The following ARHGAP22 variants were observed in gnomAD, a reference collection of about 807,000 sequenced individuals.
The protein encoded by ARHGAP22 is Rho GTPase activating protein 22, also known as rho GTPase-activating protein 22.
ARHGAP22 carries 48 observed loss-of-function variants against 59.1 expected under a neutral mutation model. That is an observed-to-expected ratio of 0.81 (90% CI 0.64 to 1.03). ARHGAP22 has a LOEUF of 1.03. Ranked by LOEUF, ARHGAP22 falls within the 50% of genes least tolerant of loss-of-function variation. The pLI is 0.00. For synonymous variants in ARHGAP22, 445 were observed against 416.4 expected (o/e 1.07, Z -0.84); for missense variants, 1,015 against 958.7 (o/e 1.06, Z -0.78).
At chr10:48,554,679 T>C (rs1488145582) in intron 3 of ARHGAP22, among the ~76,000 whole-genome samples, 1 of 142,940 alleles carries the variant, frequency 7.0e-6, no homozygotes, top group Non-Finnish European at 1.5e-5. Context: ...TGGGAGTGGG[T>C]GGGTAGAGCC....
chr10:48,590,265 C>T (rs1178914701), intron 1 of ARHGAP22, among the ~76,000 whole-genome samples: 9 of 151,810 alleles, frequency 5.9e-5, no homozygotes, highest in East Asian at 3.9e-4. Context: ...GGACCCGAGC[C>T]GGTTTAAGTG....
At chr10:48,493,251 C>T (rs1257852803) in intron 3 of ARHGAP22, among the ~76,000 whole-genome samples, 4 of 152,212 alleles carry the variant, frequency 2.6e-5, no homozygotes, top group Non-Finnish European at 5.9e-5. Flanking sequence ...TCCCTAGCGG[C>T]GGCCTCACCC....
At chr10:48,644,216 A>T (rs1328349729) in intron 1 of ARHGAP22, among the ~76,000 whole-genome samples, 1 of 152,248 alleles carries the variant, frequency 6.6e-6, no homozygotes, top group African/African-American at 2.4e-5. Flanking sequence ...GAAAAACAGT[A>T]ATGGTATTAG....
Position 48,450,964 on chromosome 10 carries a change from G to T in ARHGAP22, c.1165C>A (p.Pro389Thr). 6.4e-7 allele frequency: 1 copy of T among 1,571,812 alleles called. No homozygotes were observed. The highest frequency in any genetic ancestry group is 2.4e-5 in the East Asian group (1 of 42,162). ...TCCAGGGAAGAGGTCCTGTGCGCGG[G>T]CAGGCCGGGGCCGCCGGGCTCTCCT... ...SQGEPGGPGL[P>T]AHRTSSLDGA... The change falls in exon 9 of 10, where the codon CCC becomes ACC. Residue 389 changes from proline to threonine, a missense_variant. Physicochemically the swap from Pro to Thr is conservative, Grantham distance 38. Transcript: ENST00000249601.
chr10:48,438,957 A>G, the ARHGAP22 span: 1 of 152,202 alleles, frequency 6.6e-6, no homozygotes, highest in African/African-American at 2.4e-5. Flanking sequence ...AATATTTGGT[A>G]TATTTTTGAG....
upstream of ARHGAP22, among the ~76,000 whole-genome samples, chr10:48,654,776 TTC>T (rs1337493648): frequency 8.9e-5 from 4 of 44,952 alleles, no homozygotes; most frequent in African/African-American, 3.4e-4. Flanking sequence ...GCTGATTACT[TTC>T]TTTCTTTCTT....
At chr10:48,449,336 C>T (rs1034586215) in intron 9 of ARHGAP22, among the ~76,000 whole-genome samples, 1 of 152,214 alleles carries the variant, frequency 6.6e-6, no homozygotes, top group Non-Finnish European at 1.5e-5. Context: ...CCCTCAAGGT[C>T]CCTCTCCTTC....
At chr10:48,544,004 A>G (rs569636820) in intron 3 of ARHGAP22, among the ~76,000 whole-genome samples, 9 of 152,102 alleles carry the variant, frequency 5.9e-5, no homozygotes, top group Non-Finnish European at 1.0e-4. Context: ...TGCACCTGTA[A>G]TCCCAGCTAC....
At chr10:48,583,220 T>C in intron 1 of ARHGAP22, 68 bp from the exon 2 acceptor site, 1 of 1,540,008 alleles carries the variant, frequency 6.5e-7, no homozygotes, top group South Asian at 1.2e-5. Flanking sequence ...GCCCCCATCC[T>C]GGTGTCCCAG....
rs73303069 is a variant in ARHGAP22, at chr10:48,473,878, G to A, written c.451+5758C>T. ...AGACAACCAGGCAAGGGATACACAT[G>A]TTCAAGCACCCACCAGATGCCGAGG... On this transcript the variant is annotated intron_variant, in intron 4 of 9. Coordinates refer to ENST00000249601, the MANE Select transcript of ARHGAP22 (RefSeq NM_021226.4). Among the ~76,000 whole-genome samples the A allele has an allele frequency of 1.0e-3, 159 of 152,326 alleles. 1 individual carries two copies. Among genetic ancestry groups the A allele is most frequent in the African/African-American group, 3.6e-3 (150 of 41,582 alleles).
intron 3 of ARHGAP22, among the ~76,000 whole-genome samples, chr10:48,486,690 C>T (rs1227628666): frequency 6.6e-6 from 1 of 152,124 alleles, no homozygotes; most frequent in Non-Finnish European, 1.5e-5. Flanking sequence ...TACCACAGTG[C>T]TTTTCATTCT....
chr10:48,501,508 G>A (rs1230739111), intron 3 of ARHGAP22, among the ~76,000 whole-genome samples: 2 of 152,232 alleles, frequency 1.3e-5, no homozygotes, highest in African/African-American at 4.8e-5. Context: ...TGGGGATGGT[G>A]AGGAAAGTGG....
intron 1 of ARHGAP22, among the ~76,000 whole-genome samples, chr10:48,615,113 A>G (rs902710534): frequency 2.0e-5 from 3 of 152,268 alleles, no homozygotes; most frequent in African/African-American, 7.2e-5. Flanking sequence ...ATACAAATAC[A>G]CATGCCAAGG....
the ARHGAP22 span, chr10:48,429,861 T>C: frequency 6.6e-6 from 1 of 152,240 alleles, no homozygotes; most frequent in Admixed American, 6.5e-5. Context: ...CTTCAGGAAT[T>C]AACACAGACT....
At position 48,641,807 on chromosome 10, in the gene ARHGAP22, C is replaced by T. The variant is rs550519189; in HGVS notation, c.52+10427G>A. ...TTAGGAAATGAGGAAGTCAAATTGT[C>T]CCTGTTTGCAGATGACATGATTGTA... On this transcript the variant is annotated intron_variant, in intron 1 of 9. Coordinates refer to the ARHGAP22 transcript ENST00000435790. 2.6e-5 allele frequency among the ~76,000 whole-genome samples: 4 copies of T among 152,332 alleles called. No homozygotes were observed. The East Asian group carries it at 7.7e-4, about 29-fold the overall frequency.
At chr10:48,628,108 C>T (rs1438837459) in intron 1 of ARHGAP22, among the ~76,000 whole-genome samples, 1 of 152,212 alleles carries the variant, frequency 6.6e-6, no homozygotes, top group African/African-American at 2.4e-5. Flanking sequence ...GTGAGTCTAT[C>T]TTGGGAGTCC....
At position 48,446,225 on chromosome 10, in the gene ARHGAP22, T is replaced by C. The variant is rs74130277; in HGVS notation, c.*166A>G. On this transcript the variant is annotated 3_prime_UTR_variant, in exon 10 of 10. Transcript: ENST00000249601. Reference sequence around the variant, plus strand: ...GAGCAGCATCTGATCCCACCTGGAGTGTGTGGGGTCCCAAAAGTCCCCACA... The same window carrying C: ...GAGCAGCATCTGATCCCACCTGGAGCGTGTGGGGTCCCAAAAGTCCCCACA... The C allele has an allele frequency of 2.5e-5, 17 of 670,668 alleles. No individual in the cohort carries two copies. Among genetic ancestry groups the C allele is most frequent in the Non-Finnish European group, 3.8e-5 (15 of 396,434 alleles). 41.5% of individuals were successfully genotyped at this position (670,668 alleles called of 1,614,324 possible).
chr10:48,570,766 C>T (rs1431920954), intron 2 of ARHGAP22, among the ~76,000 whole-genome samples: 1 of 152,204 alleles, frequency 6.6e-6, no homozygotes, highest in Non-Finnish European at 1.5e-5. Flanking sequence ...TCTTCAAGGG[C>T]CCCATGGCAT....
intron 1 of ARHGAP22, among the ~76,000 whole-genome samples, chr10:48,584,585 C>T (rs1157026133): frequency 2.0e-5 from 3 of 152,176 alleles, no homozygotes. Flanking sequence ...ACATGCGTGT[C>T]CTCGTTACTG....
Sources: gnomAD v4.1 joint callset for allele counts (sites outside exome capture counted in the v4.1 genomes callset) on GRCh38, gnomAD v4.1.1 for gene constraint, MANE v1.5 for transcripts, NCBI Gene and HGNC (gene_info 2026-07-23, HGNC 2026-07-21) for gene names.